Variants in KDM4B observed in about 807,000 individuals in gnomAD.
KDM4B encodes lysine demethylase 4B, also known as lysine-specific demethylase 4B.
KDM4B carries 32 observed loss-of-function variants against 125.2 expected under a neutral mutation model. That is an observed-to-expected ratio of 0.26 (90% CI 0.19 to 0.34). The LOEUF (loss-of-function observed/expected upper bound fraction) is 0.34, where lower values mean the gene tolerates loss of function less well. Among genes scored for constraint, KDM4B ranks in the 10% least tolerant of loss-of-function variants. The pLI is 1.00. For missense variants in KDM4B, 1,190 were observed against 1,577.7 expected (o/e 0.75, Z 4.16); for synonymous variants, 721 against 677.9 (o/e 1.06, Z -0.99).
At chr19:5,015,399 A>G (rs1222131848) in intron 1 of KDM4B, among the ~76,000 whole-genome samples, 1 of 151,780 alleles carries the variant, frequency 6.6e-6, no homozygotes, top group Non-Finnish European at 1.5e-5. Context: ...TTACAGGTGC[A>G]CATCACCACG....
intron 2 of KDM4B, among the ~76,000 whole-genome samples, chr19:5,017,940 C>T (rs2035944438): frequency 6.6e-6 from 1 of 152,098 alleles, no homozygotes; most frequent in African/African-American, 2.4e-5. Context: ...TGGGGTTTCA[C>T]CGTGTTAGCC....
intron 11 of KDM4B, among the ~76,000 whole-genome samples, chr19:5,126,681 G>A (rs567529651): frequency 2.0e-5 from 3 of 152,232 alleles, no homozygotes; most frequent in Non-Finnish European, 4.4e-5. Context: ...CTCATAGTGA[G>A]GGGCTGTGAG....
chr19:5,137,386 CCGGCCCCA>C (rs2039667654), intron 16 of KDM4B, 48 bp downstream of exon 16: 1 of 1,509,092 alleles, frequency 6.6e-7, no homozygotes, highest in African/African-American at 1.4e-5. Context: ...GGCCTGGGCC[CCGGCCCCA>C]CTCCAGTGGG....
intron 11 of KDM4B, among the ~76,000 whole-genome samples, chr19:5,121,284 A>C (rs1295866651): frequency 6.6e-6 from 1 of 152,032 alleles, no homozygotes; most frequent in African/African-American, 2.4e-5. Context: ...CGGACCACTT[A>C]CTCGGTGGGG....
intron 3 of KDM4B, among the ~76,000 whole-genome samples, chr19:5,036,146 C>T (rs1185813368): frequency 6.6e-6 from 1 of 152,116 alleles, no homozygotes; most frequent in African/African-American, 2.4e-5. Flanking sequence ...TGGTTCTGAG[C>T]GAGCTGTGGG....
At chr19:5,033,202 T>C (rs143937827) in intron 3 of KDM4B, among the ~76,000 whole-genome samples, 171 bp downstream of exon 3, 1 of 152,330 alleles carries the variant, frequency 6.6e-6, no homozygotes, top group African/African-American at 2.4e-5. Context: ...GTTCCAACAA[T>C]GTGCCAGGCA....
At chr19:5,057,023 T>C (rs2037422079) in intron 6 of KDM4B, among the ~76,000 whole-genome samples, 1 of 144,362 alleles carries the variant, frequency 6.9e-6, no homozygotes, top group Non-Finnish European at 1.5e-5. Flanking sequence ...GTACCAGATA[T>C]ATATGCGTGT....
At chr19:5,063,889 C>T (rs908440850) in intron 6 of KDM4B, among the ~76,000 whole-genome samples, 77 of 152,352 alleles carry the variant, frequency 5.1e-4, no homozygotes, top group African/African-American at 1.8e-3. Flanking sequence ...AGAGGAGCCA[C>T]CCTGGCCCGG....
chr19:5,121,486 T>C (rs1224926302), intron 11 of KDM4B, among the ~76,000 whole-genome samples: 1 of 152,074 alleles, frequency 6.6e-6, no homozygotes, highest in Non-Finnish European at 1.5e-5. Flanking sequence ...GACTCGGGGA[T>C]CGAGCGGAGC....
At chr19:5,090,389 TCC>T (rs1183557728) in intron 9 of KDM4B, among the ~76,000 whole-genome samples, 19 of 26,278 alleles carry the variant, frequency 7.2e-4, no homozygotes, top group Non-Finnish European at 1.0e-3. Flanking sequence ...CCCATATCTC[TCC>T]CCCTCTCTCT....
intron 5 of KDM4B, among the ~76,000 whole-genome samples, chr19:5,042,684 G>GC (rs906458722): frequency 2.0e-5 from 3 of 151,638 alleles, no homozygotes; most frequent in African/African-American, 7.3e-5. Flanking sequence ...GAGAGTGAGG[G>GC]GGGGGGCGCC....
intron 18 of KDM4B, chr19:5,140,580 C>G (rs950934571): frequency 6.6e-6 from 1 of 152,158 alleles, no homozygotes; most frequent in Non-Finnish European, 1.5e-5. Context: ...ACTGAAAATG[C>G]AAAACTTAGC....
chr19:4,973,138 G>A (rs2034319100), intron 1 of KDM4B, among the ~76,000 whole-genome samples: 1 of 152,208 alleles, frequency 6.6e-6, no homozygotes. Context: ...GCCTCTTCCT[G>A]AACAGTAATG....
At chr19:5,030,496 A>G (rs777455723) in intron 2 of KDM4B, among the ~76,000 whole-genome samples, 1 of 152,132 alleles carries the variant, frequency 6.6e-6, no homozygotes, top group Non-Finnish European at 1.5e-5. Context: ...CATGACTCTT[A>G]CTTGAGGGCT....
chr19:5,068,209 C>T (rs2145809742), intron 6 of KDM4B, among the ~76,000 whole-genome samples: 1 of 151,754 alleles, frequency 6.6e-6, no homozygotes, highest in African/African-American at 2.4e-5. Flanking sequence ...GGGGCCTGGG[C>T]GGAGGACCCT....
intron 11 of KDM4B, among the ~76,000 whole-genome samples, chr19:5,128,380 C>T (rs941330952): frequency 5.3e-5 from 8 of 152,190 alleles, no homozygotes; most frequent in Admixed American, 1.3e-4. Flanking sequence ...CCAGATCCCA[C>T]GCCAGCCCCT....
At chr19:5,080,056 C>G (rs946831401) in intron 8 of KDM4B, among the ~76,000 whole-genome samples, 5 of 152,232 alleles carry the variant, frequency 3.3e-5, no homozygotes, top group Admixed American at 3.3e-4. Context: ...TGTTCCCCCC[C>G]CACCCCTATT....
chr19:4,971,648 G>C lies in KDM4B; in HGVS notation c.-109+2418G>C, dbSNP rs2034262374. Among the ~76,000 whole-genome samples the C allele has an allele frequency of 6.6e-6, 1 of 152,186 alleles. No homozygotes were observed. The highest frequency in any genetic ancestry group is 2.4e-5 in the African/African-American group (1 of 41,434). On this transcript the variant is annotated intron_variant, in intron 1 of 22. Transcript: ENST00000159111. The surrounding 1 kb of genome is among the most constrained non-coding windows in gnomAD (Gnocchi z 4.1). ...TCCCTGGCTCCTGTGGGTTTAGAGT[G>C]TAGTGGGGGAAAGGGTGAGCTGGCT...
At chr19:5,126,407 G>T (rs150980121) in intron 11 of KDM4B, among the ~76,000 whole-genome samples, 1 of 152,182 alleles carries the variant, frequency 6.6e-6, no homozygotes. Flanking sequence ...CTGAGCCTCC[G>T]GGGAGGCCCC....
Sources: allele counts gnomAD v4.1 joint callset (sites outside exome capture counted in the v4.1 genomes callset), GRCh38; gene constraint gnomAD v4.1.1; non-coding constraint Gnocchi (gnomAD v3.1); transcripts MANE v1.5; gene names NCBI Gene and HGNC (gene_info 2026-07-23, HGNC 2026-07-21).